Variants in SGCD observed in about 807,000 individuals in gnomAD.
The protein encoded by SGCD is delta-sarcoglycan.
In SGCD, 18 loss-of-function variants were observed where a neutral mutation model predicts 36.6. The ratio of observed to expected loss-of-function variants is 0.49; its 90% CI spans 0.34 to 0.73. SGCD has a LOEUF of 0.73. Among genes scored for constraint, SGCD ranks in the 30% least tolerant of loss-of-function variants. The probability of loss-of-function intolerance (pLI) is 0.01; values close to 1 mark genes in which losing one functional copy is unlikely to be tolerated. For missense variants in SGCD, 387 were observed against 346.7 expected (o/e 1.12, Z -0.92); for synonymous variants, 133 against 130.6 (o/e 1.02, Z -0.12).
intron 3 of SGCD, among the ~76,000 whole-genome samples, chr5:156,125,098 G>T (rs913968945): frequency 2.1e-4 from 32 of 152,298 alleles, no homozygotes; most frequent in African/African-American, 7.2e-4. Context: ...CAACCACATG[G>T]CATGTTCAAG....
chr5:156,093,850 G>A, intron 1 of SGCD, among the ~76,000 whole-genome samples: 1 of 152,166 alleles, frequency 6.6e-6, no homozygotes, highest in East Asian at 1.9e-4. Context: ...ATTTTCTGAG[G>A]ATCCTCTTTA....
intron 3 of SGCD, among the ~76,000 whole-genome samples, chr5:156,307,253 GC>G (rs1561611491): frequency 1.3e-5 from 2 of 152,016 alleles, no homozygotes; most frequent in African/African-American, 4.8e-5. Flanking sequence ...TGACCATGTT[GC>G]CTAGGCTAGT....
intron 3 of SGCD, among the ~76,000 whole-genome samples, chr5:156,500,990 A>G (rs755471095): frequency 6.6e-6 from 1 of 152,160 alleles, no homozygotes; most frequent in Non-Finnish European, 1.5e-5. Flanking sequence ...TGCACTGGCC[A>G]TGCTGAGAGA....
At chr5:156,618,721 T>C (rs1482206748) in intron 6 of SGCD, among the ~76,000 whole-genome samples, 1 of 152,004 alleles carries the variant, frequency 6.6e-6, no homozygotes, top group Admixed American at 6.6e-5. Flanking sequence ...CTCGCAAGCT[T>C]GAGGGGTGAA....
At chr5:156,756,333 G>C (rs1026690044) in intron 7 of SGCD, among the ~76,000 whole-genome samples, 2 of 152,158 alleles carry the variant, frequency 1.3e-5, no homozygotes, top group East Asian at 3.9e-4. Flanking sequence ...GATCACTTGA[G>C]CCCAGGAATT....
At chr5:156,248,512 C>T (rs536217720) in intron 3 of SGCD, among the ~76,000 whole-genome samples, 4 of 151,714 alleles carry the variant, frequency 2.6e-5, no homozygotes, top group South Asian at 2.1e-4. Context: ...AGTGAGGCTC[C>T]GTCTAAAAAA....
At chr5:156,516,954 C>T (rs919349000) in intron 4 of SGCD, among the ~76,000 whole-genome samples, 1 of 152,142 alleles carries the variant, frequency 6.6e-6, no homozygotes, top group Non-Finnish European at 1.5e-5. Flanking sequence ...GCCGAGCTCA[C>T]ACCACTGTAC....
intron 3 of SGCD, among the ~76,000 whole-genome samples, chr5:156,428,867 T>G (rs1395728070): frequency 6.6e-6 from 1 of 152,116 alleles, no homozygotes; most frequent in East Asian, 1.9e-4. Flanking sequence ...TGTGGGTGAT[T>G]TCTAGTTTTA....
At chr5:156,570,157 T>C (rs545025398) in intron 4 of SGCD, among the ~76,000 whole-genome samples, 1 of 152,326 alleles carries the variant, frequency 6.6e-6, no homozygotes, top group South Asian at 2.1e-4. Context: ...TTTTTAATTA[T>C]CTTTTTAATT....
At chr5:156,170,894 C>T (rs910894460) in intron 3 of SGCD, among the ~76,000 whole-genome samples, 1 of 152,124 alleles carries the variant, frequency 6.6e-6, no homozygotes, top group South Asian at 2.1e-4. Flanking sequence ...TCTTTGCTGT[C>T]CTTGGAATTA....
chr5:156,563,855 C>T (rs935452707), intron 4 of SGCD, among the ~76,000 whole-genome samples: 9 of 151,990 alleles, frequency 5.9e-5, no homozygotes, highest in Non-Finnish European at 1.3e-4. Context: ...CTAATGAAAG[C>T]TGTTTCCCCT....
chr5:156,098,414 C>T (rs1170583281), intron 1 of SGCD, among the ~76,000 whole-genome samples: 2 of 152,098 alleles, frequency 1.3e-5, no homozygotes, highest in African/African-American at 4.8e-5. Flanking sequence ...GAGTTGATGC[C>T]TATTTGCTTA....
chr5:156,435,783 T>C (rs977577613), intron 3 of SGCD, among the ~76,000 whole-genome samples: 1 of 152,200 alleles, frequency 6.6e-6, no homozygotes, highest in Non-Finnish European at 1.5e-5. Flanking sequence ...ATTCCATTAA[T>C]ACTTCTGAAG....
chr5:156,371,155 A>C (rs1039886265), intron 3 of SGCD, among the ~76,000 whole-genome samples: 4 of 152,318 alleles, frequency 2.6e-5, no homozygotes, highest in South Asian at 2.1e-4. Flanking sequence ...AACAATACCT[A>C]TATTTTCATG....
At chr5:156,546,646 G>T (rs1400786971) in intron 4 of SGCD, among the ~76,000 whole-genome samples, 1 of 152,158 alleles carries the variant, frequency 6.6e-6, no homozygotes, top group Non-Finnish European at 1.5e-5. Context: ...AAGATAATTA[G>T]AGAAAGCTTT....
intron 1 of SGCD, among the ~76,000 whole-genome samples, chr5:156,116,893 A>G (rs1441369327): frequency 1.3e-5 from 2 of 152,072 alleles, no homozygotes; most frequent in African/African-American, 4.8e-5. Flanking sequence ...ATGATAGTCA[A>G]TTGTGCTTTG....
intron 3 of SGCD, among the ~76,000 whole-genome samples, chr5:156,177,345 G>A (rs1025618531): frequency 6.6e-6 from 1 of 152,000 alleles, no homozygotes; most frequent in Non-Finnish European, 1.5e-5. Context: ...CTTGTGTGCT[G>A]GGATCAAGGT....
chr5:155,871,826 T>A (rs1561633254), intron 1 of SGCD, among the ~76,000 whole-genome samples: 1 of 152,138 alleles, frequency 6.6e-6, no homozygotes, highest in Non-Finnish European at 1.5e-5. Context: ...AAGAGTTAGG[T>A]CATTATTCTG....
chr5:156,703,144 C>T, intron 7 of SGCD, among the ~76,000 whole-genome samples: 1 of 152,174 alleles, frequency 6.6e-6, no homozygotes, highest in South Asian at 2.1e-4. Context: ...TCCCTTGTTT[C>T]TGACCTGGAA....
Sources: gnomAD v4.1 joint callset for allele counts (sites outside exome capture counted in the v4.1 genomes callset) on GRCh38, gnomAD v4.1.1 for gene constraint, MANE v1.5 for transcripts, NCBI Gene and HGNC (gene_info 2026-07-23, HGNC 2026-07-21) for gene names.